The following AP3B1 variants were observed in gnomAD, a reference collection of about 807,000 sequenced individuals.
AP3B1 encodes AP-3 complex subunit beta-1.
A neutral mutation model predicts 132.5 loss-of-function variants in AP3B1; 61 were observed. The ratio of observed to expected loss-of-function variants is 0.46; its 90% CI spans 0.37 to 0.57. AP3B1 has a LOEUF of 0.57. Among genes scored for constraint, AP3B1 ranks in the 20% least tolerant of loss-of-function variants. The probability of loss-of-function intolerance (pLI) is 0.00; values close to 1 mark genes in which losing one functional copy is unlikely to be tolerated. For synonymous variants in AP3B1, 388 were observed against 438.3 expected (o/e 0.89, Z 1.43); for missense variants, 1,120 against 1,289.4 (o/e 0.87, Z 2.01).
intron 14 of AP3B1, among the ~76,000 whole-genome samples, chr5:78,150,112 C>T (rs915634084): frequency 9.9e-5 from 15 of 152,134 alleles, no homozygotes; most frequent in Non-Finnish European, 2.2e-4. Context: ...AATGAGAATA[C>T]AGATTAACCC....
chr5:78,135,540 T>TTAAATAAA (rs3050114), intron 15 of AP3B1, among the ~76,000 whole-genome samples: 6 of 151,340 alleles, frequency 4.0e-5, no homozygotes, highest in East Asian at 3.9e-4. Context: ...ACATCTTACA[T>TTAAATAAA]TAAATAAATA....
chr5:78,094,888 C>G (rs1337248108), intron 21 of AP3B1, among the ~76,000 whole-genome samples: 1 of 152,050 alleles, frequency 6.6e-6, no homozygotes, highest in African/African-American at 2.4e-5. Context: ...ACCATGTTGG[C>G]CAGGCTGGTA....
rs182777726 is a variant in AP3B1, at chr5:78,088,374, T to C, written c.2577+1019A>G. Among the ~76,000 whole-genome samples, 75 of 152,316 alleles carry C rather than the reference T, an allele frequency of 4.9e-4. 1 individual carries two copies. The East Asian group carries it at 0.012, about 25-fold the overall frequency. On this transcript the variant is annotated intron_variant, in intron 22 of 26. Coordinates refer to ENST00000255194, the MANE Select transcript of AP3B1 (RefSeq NM_003664.5). ...TCTCATTCTATGCTTAAGGAGAACATTGTAGCTTAAAACTTTTCACCTGTA... is the reference window on the plus strand; with the variant it reads ...TCTCATTCTATGCTTAAGGAGAACACTGTAGCTTAAAACTTTTCACCTGTA...
At chr5:78,286,420 T>A (rs1749283986) in intron 1 of AP3B1, among the ~76,000 whole-genome samples, 1 of 152,128 alleles carries the variant, frequency 6.6e-6, no homozygotes, top group Non-Finnish European at 1.5e-5. Context: ...TTCACAGTCT[T>A]CCATTCTCTT....
rs1024061779 is a variant in AP3B1, at chr5:78,074,882, G to T, written c.2577+14511C>A. On this transcript the variant is annotated intron_variant, in intron 22 of 26. Coordinates refer to ENST00000255194, the MANE Select transcript of AP3B1 (RefSeq NM_003664.5). ...TGGGAGGCGGAGGTTGCGGTGAGCT[G>T]AGATTGCGCCACTGCACTGCAGCCT... Among the ~76,000 whole-genome samples the T allele has an allele frequency of 2.6e-5, 4 of 152,108 alleles. No individual in the cohort carries two copies. In the South Asian group the frequency reaches 6.2e-4, roughly 24 times the overall value.
At chr5:78,270,796 T>G (rs1372921281) in intron 1 of AP3B1, among the ~76,000 whole-genome samples, 1 of 152,182 alleles carries the variant, frequency 6.6e-6, no homozygotes, top group African/African-American at 2.4e-5. Flanking sequence ...TGCTCAGAAC[T>G]TTGGCTCTTT....
At chr5:78,201,860 C>T (rs993449301) in intron 7 of AP3B1, among the ~76,000 whole-genome samples, 1 of 152,112 alleles carries the variant, frequency 6.6e-6, no homozygotes, top group African/African-American at 2.4e-5. Context: ...AATGTGTTTA[C>T]ATTAGAAAGA....
At chr5:78,223,695 A>G (rs1276412142) in intron 6 of AP3B1, among the ~76,000 whole-genome samples, 1 of 152,192 alleles carries the variant, frequency 6.6e-6, no homozygotes, top group Non-Finnish European at 1.5e-5. Context: ...AGGGTTTTAT[A>G]TACAATAGTT....
intron 7 of AP3B1, among the ~76,000 whole-genome samples, chr5:78,211,709 G>A (rs1738033855): frequency 6.6e-6 from 1 of 152,080 alleles, no homozygotes. Context: ...CTATGGATTG[G>A]GAGCCTCAAA....
At chr5:78,029,793 C>T (rs1386345634) in intron 24 of AP3B1, among the ~76,000 whole-genome samples, 2 of 152,196 alleles carry the variant, frequency 1.3e-5, no homozygotes, top group Non-Finnish European at 2.9e-5. Flanking sequence ...TAAGCCACCA[C>T]ACGCAGCTCT....
chr5:78,111,181 G>C (rs1379211747), intron 19 of AP3B1, among the ~76,000 whole-genome samples: 2 of 152,072 alleles, frequency 1.3e-5, no homozygotes, highest in Non-Finnish European at 2.9e-5. Flanking sequence ...CATTCTATGA[G>C]AAAATGTTAA....
chr5:78,079,379 A>G (rs1749894921), intron 22 of AP3B1, among the ~76,000 whole-genome samples: 3 of 152,196 alleles, frequency 2.0e-5, no homozygotes, highest in Non-Finnish European at 4.4e-5. Flanking sequence ...AATTTAAGAA[A>G]ATTAAGCATG....
At chr5:78,239,504 T>C (rs1747026176) in intron 3 of AP3B1, among the ~76,000 whole-genome samples, 1 of 145,220 alleles carries the variant, frequency 6.9e-6, no homozygotes, top group South Asian at 2.2e-4. Context: ...CCAGGCACGG[T>C]TGGTCACGCC....
chr5:78,230,909 G>A (rs538889388), intron 3 of AP3B1, among the ~76,000 whole-genome samples: 4 of 152,124 alleles, frequency 2.6e-5, no homozygotes, highest in Admixed American at 1.3e-4. Context: ...CCTGAGGTCC[G>A]GAGTTGGAGA....
At position 78,002,778 on chromosome 5, in the gene AP3B1, T is replaced by C; in HGVS notation, c.*124A>G. On this transcript the variant is annotated 3_prime_UTR_variant, in exon 27 of 27. Transcript: ENST00000255194. ...AGCATTCTAAAGCAGGAGACAAGAATGTCAAGAGTGTATTCTACCCCCACT... is the reference window on the plus strand; with the variant it reads ...AGCATTCTAAAGCAGGAGACAAGAACGTCAAGAGTGTATTCTACCCCCACT... The C allele has an allele frequency of 9.3e-7, 1 of 1,069,686 alleles. No individual in the cohort carries two copies. Among genetic ancestry groups the C allele is most frequent in the Non-Finnish European group, 1.5e-6 (1 of 685,274 alleles). 66.3% of individuals were successfully genotyped at this position (1,069,686 alleles called of 1,614,324 possible). A position where few individuals can be genotyped will look rare whatever the true frequency, so the allele number is the denominator to read the frequency against.
At chr5:78,189,548 T>G (rs987778905) in intron 7 of AP3B1, among the ~76,000 whole-genome samples, 1 of 152,110 alleles carries the variant, frequency 6.6e-6, no homozygotes, top group African/African-American at 2.4e-5. Flanking sequence ...TGCAACTGCT[T>G]CCTATTGATG....
At chr5:78,233,183 C>A (rs1746723566) in intron 3 of AP3B1, among the ~76,000 whole-genome samples, 1 of 151,528 alleles carries the variant, frequency 6.6e-6, no homozygotes, top group Non-Finnish European at 1.5e-5. Flanking sequence ...GTTTTCATGT[C>A]TCCTTGGTCT....
rs1159006756 is a variant in AP3B1, at chr5:78,128,056, C to G, written c.1942G>C (p.Val648Leu). The change falls in exon 17 of 27, where the codon GTT becomes CTT. Residue 648 changes from valine to leucine, a missense_variant. Transcript: ENST00000255194. ...NWPEVAPDPS[V>L]RNVEVIELAK... ...AACTCTATTACTTCTACATTTCGAA[C>G]TGATGGGTCGGGCGCCACCTCTGGC... The G allele has an allele frequency of 6.2e-7, 1 of 1,613,144 alleles. No homozygotes were observed. The highest frequency in any genetic ancestry group is 2.2e-5 in the East Asian group (1 of 44,862).
intron 20 of AP3B1, among the ~76,000 whole-genome samples, chr5:78,109,733 CATT>C (rs943611050): frequency 3.4e-4 from 52 of 152,056 alleles, no homozygotes; most frequent in African/African-American, 1.2e-3. Context: ...TACCAAAAAG[CATT>C]ATTATTTTAT....
Sources: gnomAD v4.1 joint callset for allele counts (sites outside exome capture counted in the v4.1 genomes callset) on GRCh38, gnomAD v4.1.1 for gene constraint, MANE v1.5 for transcripts, NCBI Gene and HGNC (gene_info 2026-07-23, HGNC 2026-07-21) for gene names.